Variants in OPCML observed in about 807,000 individuals in gnomAD.
OPCML encodes the protein opioid binding protein/cell adhesion molecule like.
OPCML carries 13 observed loss-of-function variants against 37.8 expected under a neutral mutation model. That is an observed-to-expected ratio of 0.34 (90% CI 0.22 to 0.55). The LOEUF (loss-of-function observed/expected upper bound fraction) is 0.55. Ranked by LOEUF, OPCML falls within the 20% of genes least tolerant of loss-of-function variation. The pLI, the probability that OPCML is intolerant of heterozygous loss-of-function variation, is 0.91. For synonymous variants in OPCML, 176 were observed against 168.8 expected (o/e 1.04, Z -0.33); for missense variants, 341 against 435.6 (o/e 0.78, Z 1.93).
chr11:132,886,677 G>A (rs187509845), intron 2 of OPCML, among the ~76,000 whole-genome samples: 10 of 152,156 alleles, frequency 6.6e-5, no homozygotes, highest in East Asian at 1.9e-4. Context: ...AGTCCATACC[G>A]GGTTCAGGAA....
At chr11:132,847,309 T>G (rs1163008726) in intron 2 of OPCML, among the ~76,000 whole-genome samples, 1 of 152,194 alleles carries the variant, frequency 6.6e-6, no homozygotes, top group African/African-American at 2.4e-5. Flanking sequence ...TTTTTCTAGA[T>G]AGATGTATAT....
At chr11:133,255,808 C>T (rs1383175431) in intron 1 of OPCML, among the ~76,000 whole-genome samples, 1 of 151,928 alleles carries the variant, frequency 6.6e-6, no homozygotes, top group African/African-American at 2.4e-5. Context: ...CTATGGCTGG[C>T]AGTAGAAAGG....
chr11:132,513,874 A>C (rs1208111438), intron 4 of OPCML, among the ~76,000 whole-genome samples: 1 of 152,212 alleles, frequency 6.6e-6, no homozygotes, highest in African/African-American at 2.4e-5. Context: ...GCCTTTCACT[A>C]AACTTTGAGC....
intron 1 of OPCML, among the ~76,000 whole-genome samples, chr11:133,061,638 A>C (rs1591963682): frequency 6.6e-6 from 1 of 152,204 alleles, no homozygotes; most frequent in East Asian, 1.9e-4. Context: ...CTCATACATC[A>C]AAGGATTGAG....
chr11:132,826,797 G>A (rs1940374478), intron 2 of OPCML, among the ~76,000 whole-genome samples: 1 of 152,154 alleles, frequency 6.6e-6, no homozygotes, highest in Non-Finnish European at 1.5e-5. Context: ...TGTTATTACT[G>A]TTACTCTAAG....
At chr11:132,822,215 T>A (rs1042125479) in intron 2 of OPCML, among the ~76,000 whole-genome samples, 4 of 151,866 alleles carry the variant, frequency 2.6e-5, no homozygotes, top group Non-Finnish European at 4.4e-5. Flanking sequence ...GGAGAGAGCC[T>A]GTTTGAAGGC....
In OPCML at chr11:132,623,318, G is replaced by A. The variant is rs115401188; in HGVS notation, c.379+33769C>T. ...GGAAATTTTAAATGGCTCCTTCATC[G>A]CCCACAGTTGCACCTATCTAGTGTG... On this transcript the variant is annotated intron_variant, in intron 3 of 7. Coordinates refer to ENST00000524381, the MANE Select transcript of OPCML (RefSeq NM_001012393.5). Among the ~76,000 whole-genome samples the A allele has an allele frequency of 3.7e-3, 568 of 151,504 alleles. 3 individuals are homozygous for A. The highest frequency in any genetic ancestry group is 0.013 in the African/African-American group (538 of 41,238).
chr11:132,914,783 C>T (rs59024136), intron 2 of OPCML, among the ~76,000 whole-genome samples: 17,569 of 152,184 alleles, frequency 0.12, 1,215 homozygotes, highest in East Asian at 0.33. Context: ...GAAACCAGAG[C>T]CCCAAGGAGC....
At chr11:132,650,535 G>A (rs971654871) in intron 3 of OPCML, among the ~76,000 whole-genome samples, 3 of 151,978 alleles carry the variant, frequency 2.0e-5, no homozygotes, top group Non-Finnish European at 4.4e-5. Flanking sequence ...AGAATTTGCA[G>A]CTTAGAGACC....
intron 2 of OPCML, among the ~76,000 whole-genome samples, chr11:132,700,375 C>G (rs898907457): frequency 4.6e-5 from 7 of 152,030 alleles, no homozygotes; most frequent in African/African-American, 1.7e-4. Context: ...AGGCATAAAG[C>G]TAGGTGCTTA....
chr11:132,492,318 G>A (rs889693962), intron 4 of OPCML, among the ~76,000 whole-genome samples: 4 of 152,060 alleles, frequency 2.6e-5, no homozygotes, highest in Non-Finnish European at 4.4e-5. Context: ...AAAACTGCAG[G>A]AGAGATGATA....
chr11:132,846,584 T>C (rs1408815197), intron 2 of OPCML, among the ~76,000 whole-genome samples: 1 of 152,184 alleles, frequency 6.6e-6, no homozygotes, highest in African/African-American at 2.4e-5. Context: ...TGAAAAAATA[T>C]ACATAGAAAT....
intron 1 of OPCML, among the ~76,000 whole-genome samples, chr11:133,082,416 C>G (rs1948740233): frequency 8.0e-6 from 1 of 125,266 alleles, no homozygotes; most frequent in Non-Finnish European, 1.7e-5. Flanking sequence ...TCCTCTCCTC[C>G]CTATCCTCCC....
intron 3 of OPCML, among the ~76,000 whole-genome samples, chr11:132,593,172 T>C (rs2096487257): frequency 6.6e-6 from 1 of 152,128 alleles, no homozygotes; most frequent in South Asian, 2.1e-4. Flanking sequence ...TGTGAAGGTC[T>C]GGGAGGAGAA....
At chr11:132,777,836 G>A (rs183223277) in intron 2 of OPCML, among the ~76,000 whole-genome samples, 37 of 152,232 alleles carry the variant, frequency 2.4e-4, no homozygotes, top group Admixed American at 5.2e-4. Context: ...GTTTAAAGGC[G>A]CAGACCACTT....
At chr11:133,048,156 C>CA (rs1948058991) in intron 1 of OPCML, among the ~76,000 whole-genome samples, 1 of 152,120 alleles carries the variant, frequency 6.6e-6, no homozygotes, top group African/African-American at 2.4e-5. Flanking sequence ...CTAATACTTA[C>CA]AAAAAACTTG....
chr11:133,158,955 C>T (rs993433692), intron 1 of OPCML, among the ~76,000 whole-genome samples: 1 of 151,936 alleles, frequency 6.6e-6, no homozygotes, highest in Non-Finnish European at 1.5e-5. Context: ...ACAGTGACAC[C>T]GATGAATTGC....
intron 1 of OPCML, among the ~76,000 whole-genome samples, chr11:133,399,039 A>C (rs1342195059): frequency 1.3e-5 from 2 of 152,152 alleles, no homozygotes; most frequent in Non-Finnish European, 2.9e-5. Context: ...CTTAACACAA[A>C]ATTGGGAATC....
At chr11:132,711,866 C>A (rs946821383) in intron 2 of OPCML, among the ~76,000 whole-genome samples, 1 of 152,158 alleles carries the variant, frequency 6.6e-6, no homozygotes, top group Non-Finnish European at 1.5e-5. Flanking sequence ...GTAATTCTTT[C>A]TTAAAATAAT....
Sources: allele counts gnomAD v4.1 joint callset (sites outside exome capture counted in the v4.1 genomes callset), GRCh38; gene constraint gnomAD v4.1.1; transcripts MANE v1.5; gene names NCBI Gene and HGNC (gene_info 2026-07-23, HGNC 2026-07-21).